MLLT3: variants seen among roughly 807,000 people sequenced by gnomAD.
MLLT3 encodes the protein MLLT3 super elongation complex subunit.
In MLLT3, 4 loss-of-function variants were observed where a neutral mutation model predicts 53.2. The ratio of observed to expected loss-of-function variants is 0.08; its 90% confidence interval spans 0.04 to 0.17. MLLT3 has a LOEUF of 0.17. Ranked by LOEUF, MLLT3 falls within the 10% of genes least tolerant of loss-of-function variation. The pLI is 1.00. For missense variants in MLLT3, 569 were observed against 684.0 expected (o/e 0.83, Z 1.87); for synonymous variants, 283 against 230.6 (o/e 1.23, Z -2.06).
At chr9:20,476,776 G>A (rs755109301) in intron 2 of MLLT3, among the ~76,000 whole-genome samples, 3 of 152,048 alleles carry the variant, frequency 2.0e-5, no homozygotes, top group African/African-American at 7.2e-5. Context: ...CCTAAAGACT[G>A]ACATTTTCAT....
At chr9:20,412,956 C>T (rs1351567565) in intron 5 of MLLT3, among the ~76,000 whole-genome samples, 1 of 151,918 alleles carries the variant, frequency 6.6e-6, no homozygotes, top group East Asian at 1.9e-4. Context: ...AAGTTTAAAC[C>T]CCAATATCAA....
Position 20,448,060 on chromosome 9 carries a change from G to T in MLLT3, c.420+63C>A, listed in dbSNP as rs933941664. ...TAACACATGAGGAACTAGTTTGTTT[G>T]TTTTTTTTTTTGTTGTTGTTGTTTT... is the stretch of plus-strand genomic sequence containing the variant. On this transcript the variant is annotated intron_variant, in intron 4 of 10. Coordinates refer to ENST00000380338, the MANE Select transcript of MLLT3 (RefSeq NM_004529.4). This position sits in a 1 kb window ranked among gnomAD's most constrained non-coding sequence, Gnocchi z 4.0. The T allele has an allele frequency of 1.2e-4, 147 of 1,205,256 alleles. No individual in the cohort carries two copies. Among genetic ancestry groups the T allele is most frequent in the Middle Eastern group, 4.2e-4 (2 of 4,782 alleles). The allele number at this position is 1,205,256 out of a possible 1,614,324, so 74.7% of individuals were successfully genotyped here.
intron 5 of MLLT3, among the ~76,000 whole-genome samples, chr9:20,373,772 C>A (rs1210309574): frequency 6.6e-6 from 1 of 152,156 alleles, no homozygotes; most frequent in South Asian, 2.1e-4. Context: ...ACACCTAGAG[C>A]CTGCTATAAA....
chr9:20,586,533 A>C (rs1819969084), intron 2 of MLLT3, among the ~76,000 whole-genome samples: 1 of 152,160 alleles, frequency 6.6e-6, no homozygotes, highest in Non-Finnish European at 1.5e-5. Flanking sequence ...CCTTAAAAAT[A>C]AGTTCAACTA....
Position 20,622,317 on chromosome 9 carries a change from CT to C in MLLT3, c.-62del. 6.9e-7 allele frequency: 1 copy of C among 1,458,806 alleles called. No homozygotes were observed. The highest frequency in any genetic ancestry group is 9.2e-7 in the Non-Finnish European group (1 of 1,087,448). 90.4% of individuals were successfully genotyped at this position (1,458,806 alleles called of 1,614,324 possible). The stretch of plus-strand genomic sequence containing the variant: ...GGTACCCCCCCCTCCTCCGCCCCCC[CT>C]CAGCTGTAATTCATGAAGAGGCTGC... On this transcript the variant is annotated 5_prime_UTR_variant, in exon 1 of 11. It removes the in-frame stop codon of an upstream open reading frame in the 5' UTR. Transcript: ENST00000380338.
chr9:20,430,434 A>G (rs956602173), intron 4 of MLLT3, among the ~76,000 whole-genome samples: 27 of 152,160 alleles, frequency 1.8e-4, no homozygotes, highest in Non-Finnish European at 2.9e-5. Context: ...AAACTGATCA[A>G]TGGAACAGAA....
At chr9:20,526,891 A>T (rs1818217143) in intron 2 of MLLT3, among the ~76,000 whole-genome samples, 1 of 152,190 alleles carries the variant, frequency 6.6e-6, no homozygotes, top group African/African-American at 2.4e-5. Context: ...ATGACTAATG[A>T]GGCTAGGCAC....
At chr9:20,599,278 TG>T (rs1820355281) in intron 2 of MLLT3, among the ~76,000 whole-genome samples, 2 of 145,176 alleles carry the variant, frequency 1.4e-5, no homozygotes, top group Non-Finnish European at 3.0e-5. Context: ...CACGTCAGCC[TG>T]GGCGACAGAG....
intron 2 of MLLT3, among the ~76,000 whole-genome samples, chr9:20,576,837 A>C (rs1819665793): frequency 6.6e-6 from 1 of 152,288 alleles, no homozygotes; most frequent in Middle Eastern, 3.4e-3. Flanking sequence ...ACAAACTTTC[A>C]ACTTACGAAA....
chr9:20,540,900 A>G (rs889244012), intron 2 of MLLT3, among the ~76,000 whole-genome samples: 8 of 152,236 alleles, frequency 5.3e-5, no homozygotes, highest in Non-Finnish European at 7.3e-5. Context: ...CCTTTTAAAC[A>G]TAAGTTCGAA....
chr9:20,408,241 T>G (rs1284159385), intron 5 of MLLT3, among the ~76,000 whole-genome samples: 1 of 151,756 alleles, frequency 6.6e-6, no homozygotes, highest in Non-Finnish European at 1.5e-5. Context: ...TAGTATGTAC[T>G]GAAACACGGA....
At chr9:20,583,024 G>A (rs1587096638) in intron 2 of MLLT3, among the ~76,000 whole-genome samples, 1 of 152,126 alleles carries the variant, frequency 6.6e-6, no homozygotes, top group African/African-American at 2.4e-5. Flanking sequence ...AGTCTCATGT[G>A]AGAAAAGGCA....
intron 8 of MLLT3, among the ~76,000 whole-genome samples, chr9:20,358,942 C>T (rs1384411381): frequency 1.3e-5 from 2 of 151,784 alleles, no homozygotes; most frequent in African/African-American, 2.4e-5. Flanking sequence ...GTCAAGAGAT[C>T]GAGACCATCC....
At chr9:20,558,392 C>T (rs1241208410) in intron 2 of MLLT3, among the ~76,000 whole-genome samples, 1 of 152,178 alleles carries the variant, frequency 6.6e-6, no homozygotes, top group Admixed American at 6.5e-5. Flanking sequence ...CTGCCTGCCT[C>T]AGCCTCCCAA....
At chr9:20,376,329 T>C (rs1463996928) in intron 5 of MLLT3, among the ~76,000 whole-genome samples, 1 of 152,208 alleles carries the variant, frequency 6.6e-6, no homozygotes, top group Non-Finnish European at 1.5e-5. Flanking sequence ...AGTTCTTATG[T>C]TATCAAAAGC....
chr9:20,620,718 G>A lies in MLLT3; in HGVS notation c.129C>T (p.Asn43=), dbSNP rs929885166. Residue 43 remains asparagine (N), a synonymous_variant, in exon 2 of 11, where the codon AAC becomes AAT. Transcript: ENST00000380338. This position sits in a 1 kb window ranked among gnomAD's most constrained non-coding sequence, Gnocchi z 6.1. ...CGACTTTCTCCACAAAGTGCTGTAT[G>A]TTACTGTGCTCCGGACCGCGTACGA... ...MVFVRGPEHS[N]IQHFVEKVVF... 4 of 1,614,074 alleles carry A rather than the reference G, an allele frequency of 2.5e-6. No homozygotes were observed. The highest frequency in any genetic ancestry group is 2.7e-5 in the African/African-American group (2 of 74,930).
intron 5 of MLLT3, among the ~76,000 whole-genome samples, chr9:20,391,101 T>C (rs1446964279): frequency 1.3e-5 from 2 of 152,204 alleles, no homozygotes; most frequent in Non-Finnish European, 2.9e-5. Flanking sequence ...AGTTCACCTG[T>C]TGGCAATTTT....
chr9:20,397,891 T>C (rs1475544372), intron 5 of MLLT3, among the ~76,000 whole-genome samples: 1 of 152,046 alleles, frequency 6.6e-6, no homozygotes, highest in Non-Finnish European at 1.5e-5. Flanking sequence ...TATAATTAAA[T>C]ATATATGTAT....
At chr9:20,382,859 G>C (rs1821938748) in intron 5 of MLLT3, among the ~76,000 whole-genome samples, 1 of 151,716 alleles carries the variant, frequency 6.6e-6, no homozygotes, top group African/African-American at 2.4e-5. Flanking sequence ...GTAAAGAAAT[G>C]ACTATGTAAA....
Sources: gnomAD v4.1 joint callset for allele counts (sites outside exome capture counted in the v4.1 genomes callset) on GRCh38, gnomAD v4.1.1 for gene constraint, Gnocchi (gnomAD v3.1) non-coding constraint, MANE v1.5 for transcripts, NCBI Gene and HGNC (gene_info 2026-07-23, HGNC 2026-07-21) for gene names.